Variants in FNBP1L observed in about 807,000 individuals in gnomAD.
The protein encoded by FNBP1L is formin binding protein 1 like.
FNBP1L carries 36 observed loss-of-function variants against 91.2 expected under a neutral mutation model. The observed-to-expected ratio is 0.39, with a 90% confidence interval of 0.30 to 0.52. The LOEUF is 0.52. FNBP1L is among the 20% of genes least tolerant of loss of function. The pLI is 0.66. For synonymous variants in FNBP1L, 242 were observed against 237.0 expected (o/e 1.02, Z -0.19); for missense variants, 571 against 732.1 (o/e 0.78, Z 2.54).
rs187498249 is a variant in FNBP1L at position 93,449,807 on chromosome 1, G to A, written c.24+1502G>A. Reference sequence around the variant, plus strand: ...TTGGTTAGTTTCTCAGGCATTATTGGCCTTTTTCCCTTACACTTTGTGCAT... The same window carrying A: ...TTGGTTAGTTTCTCAGGCATTATTGACCTTTTTCCCTTACACTTTGTGCAT... On this transcript the variant is annotated intron_variant, in intron 1 of 16. Coordinates refer to ENST00000271234, the MANE Select transcript of FNBP1L (RefSeq NM_001164473.3). Among the ~76,000 whole-genome samples the A allele has an allele frequency of 1.2e-4, 19 of 152,234 alleles. No homozygotes were observed. In the East Asian group the frequency reaches 3.7e-3, roughly 29 times the overall value.
At chr1:93,460,144 A>G (rs1380549361) in intron 1 of FNBP1L, among the ~76,000 whole-genome samples, 1 of 152,146 alleles carries the variant, frequency 6.6e-6, no homozygotes, top group Non-Finnish European at 1.5e-5. Context: ...GGGATGCTCA[A>G]TCTGTTTTAA....
chr1:93,470,672 A>G (rs1324253595), intron 1 of FNBP1L, among the ~76,000 whole-genome samples: 1 of 152,136 alleles, frequency 6.6e-6, no homozygotes, highest in African/African-American at 2.4e-5. Flanking sequence ...CAGGAGTTCA[A>G]GATTAGCCTG....
intron 2 of FNBP1L, among the ~76,000 whole-genome samples, chr1:93,509,491 C>T (rs947586991): frequency 3.3e-5 from 5 of 152,172 alleles, no homozygotes; most frequent in Non-Finnish European, 7.3e-5. Flanking sequence ...AATGCATTTC[C>T]ACAAGCTGTT....
intron 2 of FNBP1L, among the ~76,000 whole-genome samples, chr1:93,513,347 G>A (rs1670935211): frequency 6.6e-6 from 1 of 151,870 alleles, no homozygotes; most frequent in East Asian, 1.9e-4. Flanking sequence ...GGTACAAGGA[G>A]GAACTGGTCC....
At chr1:93,514,574 A>G (rs1376767846) in intron 2 of FNBP1L, among the ~76,000 whole-genome samples, 3 of 152,240 alleles carry the variant, frequency 2.0e-5, no homozygotes, top group South Asian at 2.1e-4. Context: ...ACAGAGATGT[A>G]GATCAATGGA....
rs1162329702 is a variant in FNBP1L, at chr1:93,553,175, A to G, written c.*759A>G. The G allele has an allele frequency of 1.3e-5, 2 of 152,696 alleles. No individual in the cohort carries two copies. The highest frequency in any genetic ancestry group is 4.8e-5 in the African/African-American group (2 of 41,466). 9.5% of individuals were successfully genotyped at this position (152,696 alleles called of 1,614,324 possible). On this transcript the variant is annotated 3_prime_UTR_variant, in exon 17 of 17. Transcript: ENST00000271234. The stretch of plus-strand genomic sequence containing the variant: ...AAACGTGATACATCTTCAGCACCTC[A>G]GTCTGGGAAGAATCTAGTCAGCACT...
intron 5 of FNBP1L, among the ~76,000 whole-genome samples, chr1:93,529,008 GA>G (rs1319028217): frequency 6.6e-6 from 1 of 151,976 alleles, no homozygotes; most frequent in East Asian, 1.9e-4. Flanking sequence ...AATTTAAAAA[GA>G]TTTGGGGTCT....
At chr1:93,461,248 C>A (rs1668850059) in intron 1 of FNBP1L, among the ~76,000 whole-genome samples, 1 of 152,072 alleles carries the variant, frequency 6.6e-6, no homozygotes, top group Non-Finnish European at 1.5e-5. Context: ...CTTTTCCAAT[C>A]CTTTTGTGAA....
In FNBP1L at chr1:93,530,755, G is replaced by T; in HGVS notation, c.511G>T (p.Ala171Ser). ...ATAATTTCGACCATTTTGCCCCTAG[G>T]CCAAACAGCAGTTGAATCTGCGTAC... ...TNATKADVEK[A>S]KQQLNLRTHM... Residue 171 changes from alanine to serine, a missense_variant and splice_region_variant, in exon 7 of 17, where the codon GCC becomes TCC. Physicochemically the swap from Ala to Ser is moderately conservative, Grantham distance 99. Around this residue, in one of 5 missense-constraint regions of FNBP1L, gnomAD observed 220 missense variants for 313.6 expected, o/e 0.70. Transcript: ENST00000271234. The T allele has an allele frequency of 6.3e-7, 1 of 1,595,898 alleles. No individual in the cohort carries two copies. Among genetic ancestry groups the T allele is most frequent in the Non-Finnish European group, 8.5e-7 (1 of 1,171,160 alleles).
chr1:93,491,185 A>G (rs570647612), intron 1 of FNBP1L, among the ~76,000 whole-genome samples: 52 of 152,116 alleles, frequency 3.4e-4, no homozygotes, highest in Middle Eastern at 6.8e-3. Flanking sequence ...GACTCAAGCA[A>G]TCCTCCCACC....
chr1:93,495,466 G>C (rs998990578), intron 1 of FNBP1L, among the ~76,000 whole-genome samples: 3 of 152,130 alleles, frequency 2.0e-5, no homozygotes, highest in South Asian at 4.1e-4. Flanking sequence ...TCATTTGTAG[G>C]TATGCAAAGA....
chr1:93,504,291 A>G (rs1347223412), intron 2 of FNBP1L, among the ~76,000 whole-genome samples: 2 of 152,086 alleles, frequency 1.3e-5, no homozygotes. Context: ...GTGGTCATTA[A>G]GTTGGTGTTG....
intron 15 of FNBP1L, 31 bp from the exon 16 acceptor site, chr1:93,550,916 T>G: frequency 1.3e-6 from 2 of 1,501,416 alleles, no homozygotes; most frequent in Non-Finnish European, 1.8e-6. Flanking sequence ...ATCACAATGC[T>G]TAAATTATGC....
chr1:93,523,510 A>G lies in FNBP1L; in HGVS notation c.342+19A>G, dbSNP rs1170907228. 1.3e-6 allele frequency: 2 copies of G among 1,589,356 alleles called. No homozygotes were observed. The highest frequency in any genetic ancestry group is 1.7e-6 in the Non-Finnish European group (2 of 1,166,044). Reference sequence around the variant, plus strand: ...AAAAATGGTAATTCTTACAATTTTCATCCAATTGCAATAGTATATGAAATA... The same window carrying G: ...AAAAATGGTAATTCTTACAATTTTCGTCCAATTGCAATAGTATATGAAATA... On this transcript the variant is annotated intron_variant, in intron 4 of 16. Transcript: ENST00000271234.
intron 1 of FNBP1L, among the ~76,000 whole-genome samples, chr1:93,494,310 T>A (rs1417593828): frequency 6.6e-6 from 1 of 152,226 alleles, no homozygotes; most frequent in Admixed American, 6.5e-5. Flanking sequence ...CTTCTGTTCC[T>A]GTGGAGTTGA....
chr1:93,534,671 G>C, intron 8 of FNBP1L, 34 bp from the exon 9 acceptor site: 1 of 1,442,286 alleles, frequency 6.9e-7, no homozygotes, highest in Non-Finnish European at 9.4e-7. Flanking sequence ...ATGAGCAAGT[G>C]AAACAGTTTT....
intron 1 of FNBP1L, among the ~76,000 whole-genome samples, chr1:93,458,435 G>T (rs1214040527): frequency 6.6e-6 from 1 of 152,122 alleles, no homozygotes; most frequent in Non-Finnish European, 1.5e-5. Flanking sequence ...CAGCCCAGAA[G>T]AATGAAACTA....
At chr1:93,519,414 A>G (rs781607528) in intron 2 of FNBP1L, among the ~76,000 whole-genome samples, 19 of 152,128 alleles carry the variant, frequency 1.2e-4, no homozygotes, top group Non-Finnish European at 2.6e-4. Context: ...ATTCCTGTTT[A>G]TCTCTTTAGG....
chr1:93,499,948 T>G (rs1670390359), intron 2 of FNBP1L, among the ~76,000 whole-genome samples: 1 of 152,252 alleles, frequency 6.6e-6, no homozygotes, highest in African/African-American at 2.4e-5. Context: ...TCAGAGTTTT[T>G]TTCTTCAGAG....
Sources: allele counts gnomAD v4.1 joint callset (sites outside exome capture counted in the v4.1 genomes callset), GRCh38; gene constraint gnomAD v4.1.1; regional missense constraint gnomAD v4.1.1; transcripts MANE v1.5; gene names NCBI Gene and HGNC (gene_info 2026-07-23, HGNC 2026-07-21).